The following PRSS55 variants were observed in gnomAD, a reference collection of about 807,000 sequenced individuals.
The protein encoded by PRSS55 is serine protease 55.
In PRSS55, 41 loss-of-function variants were observed where a neutral mutation model predicts 23.6. The ratio of observed to expected loss-of-function variants is 1.74; its 90% CI spans 1.35 to 2.26. PRSS55 has a LOEUF of 2.26. PRSS55 is among the 30% of genes most tolerant of loss of function. The pLI is 0.00. For synonymous variants in PRSS55, 262 were observed against 175.5 expected, an observed-to-expected ratio of 1.49 and a Z score of -3.90; for missense variants, 669 against 439.1, an observed-to-expected ratio of 1.52 and a Z score of -4.68.
intron 4 of PRSS55, among the ~76,000 whole-genome samples, chr8:10,538,022 T>C (rs936656829): frequency 6.6e-6 from 1 of 152,166 alleles, no homozygotes; most frequent in Admixed American, 6.5e-5. Context: ...AAAAGGAATG[T>C]CCTTCTCTCT....
downstream of PRSS55, among the ~76,000 whole-genome samples, chr8:10,543,478 CTCT>C (rs1447567453): frequency 7.9e-5 from 8 of 101,628 alleles, no homozygotes; most frequent in African/African-American, 3.6e-4. Context: ...CTTTCTTTCT[CTCT>C]TTTTTTTTTT....
At chr8:10,541,141 C>G (rs80015459), downstream of PRSS55, 764 of 152,428 alleles carry the variant, frequency 5.0e-3, 11 homozygotes, top group African/African-American at 0.017. Context: ...CTGGAGTTAT[C>G]AGGAACAAGA....
At chr8:10,532,059 C>CA (rs1389668496) in intron 3 of PRSS55, among the ~76,000 whole-genome samples, 2 of 151,944 alleles carry the variant, frequency 1.3e-5, no homozygotes, top group East Asian at 3.9e-4. Flanking sequence ...GACTGTCCCC[C>CA]AAAAAAACCC....
chr8:10,550,878 C>G (rs531728914), intron 4 of PRSS55, among the ~76,000 whole-genome samples: 2 of 152,324 alleles, frequency 1.3e-5, no homozygotes, highest in East Asian at 1.9e-4. Context: ...GCATGGAAAG[C>G]TGGAGGGAGG....
intron 4 of PRSS55, among the ~76,000 whole-genome samples, chr8:10,545,975 C>A (rs1401976081): frequency 2.0e-5 from 3 of 152,128 alleles, no homozygotes; most frequent in Non-Finnish European, 2.9e-5. Context: ...TGCCAGAGCG[C>A]TGTCCTCAGA....
At chr8:10,529,871 G>A (rs991413004) in intron 2 of PRSS55, among the ~76,000 whole-genome samples, 172 bp downstream of exon 2, 1 of 152,312 alleles carries the variant, frequency 6.6e-6, no homozygotes, top group East Asian at 1.9e-4. Flanking sequence ...CGTGGAGGTA[G>A]CCAGCCTGAG....
intron 4 of PRSS55, among the ~76,000 whole-genome samples, chr8:10,535,640 A>C: frequency 6.6e-6 from 1 of 152,164 alleles, no homozygotes; most frequent in Non-Finnish European, 1.5e-5. Flanking sequence ...ACTACAAACC[A>C]CCATTCTTGA....
At chr8:10,545,974 G>A (rs966182196) in intron 4 of PRSS55, among the ~76,000 whole-genome samples, 5 of 152,074 alleles carry the variant, frequency 3.3e-5, no homozygotes, top group African/African-American at 9.7e-5. Context: ...TTGCCAGAGC[G>A]CTGTCCTCAG....
chr8:10,528,021 T>C (rs955502885), intron 1 of PRSS55, among the ~76,000 whole-genome samples: 14 of 152,126 alleles, frequency 9.2e-5, no homozygotes, highest in Admixed American at 5.9e-4. Context: ...TAGACCAGCC[T>C]GACCAACATA....
chr8:10,553,914 A>T (rs1450593215), intron 4 of PRSS55: 14 of 1,436,640 alleles, frequency 9.7e-6, no homozygotes, highest in Non-Finnish European at 1.3e-5. Context: ...AAATTTTTTT[A>T]ATTTGTCAAT....
intron 4 of PRSS55, among the ~76,000 whole-genome samples, chr8:10,536,066 G>C (rs574795599): frequency 1.3e-5 from 2 of 152,196 alleles, no homozygotes; most frequent in East Asian, 1.9e-4. Context: ...GGTACCTGTA[G>C]TCCCAGCTAC....
chr8:10,531,603 G>T, intron 3 of PRSS55, 58 bp downstream of exon 3: 15 of 1,594,194 alleles, frequency 9.4e-6, no homozygotes, highest in Non-Finnish European at 1.3e-5. Context: ...AAGGAGAGGG[G>T]AGGAAGCTAA....
intron 4 of PRSS55, among the ~76,000 whole-genome samples, chr8:10,549,619 C>G (rs1812907653): frequency 6.6e-6 from 1 of 152,180 alleles, no homozygotes; most frequent in Non-Finnish European, 1.5e-5. Context: ...GCCCCAGGAG[C>G]TCAGCCCACC....
intron 4 of PRSS55, among the ~76,000 whole-genome samples, chr8:10,550,457 G>A (rs1048175797): frequency 4.6e-5 from 7 of 152,262 alleles, no homozygotes; most frequent in Non-Finnish European, 8.8e-5. Flanking sequence ...GTGGCAGTTG[G>A]CTGCTGTGCC....
At chr8:10,549,828 G>A (rs1812912490) in intron 4 of PRSS55, among the ~76,000 whole-genome samples, 1 of 152,242 alleles carries the variant, frequency 6.6e-6, no homozygotes, top group Admixed American at 6.5e-5. Context: ...TATCTGCAAG[G>A]TGGTGGTAAG....
downstream of PRSS55, among the ~76,000 whole-genome samples, chr8:10,543,445 A>ATACT (rs1554584949): frequency 5.7e-4 from 14 of 24,756 alleles, no homozygotes; most frequent in South Asian, 4.5e-3. Flanking sequence ...CCTTCCTTCC[A>ATACT]TCCTTCCTTC....
At chr8:10,529,395 G>C (rs572077941) in intron 1 of PRSS55, 112 bp from the exon 2 acceptor site, 11 of 1,067,896 alleles carry the variant, frequency 1.0e-5, no homozygotes, top group East Asian at 4.8e-5. Flanking sequence ...CTCTAGAATG[G>C]GGATGAGGAT....
At chr8:10,529,208 C>G (rs1236637013) in intron 1 of PRSS55, among the ~76,000 whole-genome samples, 1 of 152,224 alleles carries the variant, frequency 6.6e-6, no homozygotes, top group Non-Finnish European at 1.5e-5. Context: ...CCGATTTCTC[C>G]TGGACGAGAG....
chr8:10,542,414 C>T (rs1375125548), downstream of PRSS55, among the ~76,000 whole-genome samples: 1 of 79,706 alleles, frequency 1.3e-5, no homozygotes, highest in Non-Finnish European at 3.2e-5. Flanking sequence ...AAGCACCATG[C>T]GGGGGAAAAA....
Sources: allele counts gnomAD v4.1 joint callset (sites outside exome capture counted in the v4.1 genomes callset), GRCh38; gene constraint gnomAD v4.1.1; transcripts MANE v1.5; gene names NCBI Gene and HGNC (gene_info 2026-07-23, HGNC 2026-07-21).